TOGARAM2: variants seen among roughly 807,000 people sequenced by gnomAD.
TOGARAM2 encodes TOG array regulator of axonemal microtubules protein 2.
Under a neutral mutation model 93.3 loss-of-function variants are expected in TOGARAM2, and 85 were observed. The observed-to-expected ratio is 0.91, with a 90% CI of 0.76 to 1.09. The LOEUF is 1.09. Ranked by LOEUF, TOGARAM2 falls within the 50% of genes least tolerant of loss-of-function variation. TOGARAM2 has a pLI of 0.00. For missense variants in TOGARAM2, 1,277 were observed against 1,334.5 expected, an observed-to-expected ratio of 0.96 and a Z score of 0.67; for synonymous variants, 593 against 552.8, an observed-to-expected ratio of 1.07 and a Z score of -1.02.
At chr2:29,009,841 C>T (rs894149015) in intron 6 of TOGARAM2, among the ~76,000 whole-genome samples, 8 of 151,322 alleles carry the variant, frequency 5.3e-5, no homozygotes, top group Admixed American at 1.3e-4. Flanking sequence ...CTGTGAGGTT[C>T]GCACAGGGTG....
intron 11 of TOGARAM2, 70 bp downstream of exon 11, chr2:29,022,378 C>T (rs957590399): frequency 7.1e-6 from 11 of 1,554,596 alleles, no homozygotes; most frequent in African/African-American, 4.1e-5. Context: ...TAGCTTCTGC[C>T]CCTCAACTTC....
intron 18 of TOGARAM2, among the ~76,000 whole-genome samples, chr2:29,043,519 G>A (rs1231428003): frequency 6.6e-6 from 1 of 151,268 alleles, no homozygotes; most frequent in Non-Finnish European, 1.5e-5. Flanking sequence ...GAGAAGTCTG[G>A]CCTGGAGAAG....
chr2:29,006,390 G>A (rs201399450), intron 6 of TOGARAM2, among the ~76,000 whole-genome samples: 2 of 146,220 alleles, frequency 1.4e-5, no homozygotes, highest in Admixed American at 6.8e-5. Flanking sequence ...GTGTGAGTGC[G>A]TGTGTGTGAG....
Position 29,035,647 on chromosome 2 carries a change from C to G in TOGARAM2, c.2409C>G (p.His803Gln), listed in dbSNP as rs772974706. The change falls in exon 17 of 20, where the codon CAC becomes CAG. Residue 803 changes from histidine (H) to glutamine (Q), a missense_variant. Physicochemically the swap from His to Gln is conservative, Grantham distance 24 (BLOSUM62 0). Coordinates refer to ENST00000379558, the MANE Select transcript of TOGARAM2 (RefSeq NM_199280.4). Reference protein sequence around the residue: ...CKAKTELVTAHLVQVFDAFTP... With the variant: ...CKAKTELVTAQLVQVFDAFTP... ...CCAAGACGGAGCTTGTCACTGCCCA[C>G]CTGGTCCAGGTGAGCACCGCTTGCT... 1.5e-5 allele frequency: 22 copies of G among 1,500,756 alleles called. No individual in the cohort carries two copies. In the East Asian group the frequency reaches 5.2e-4, roughly 36 times the overall value. 93.0% of individuals were successfully genotyped at this position (1,500,756 alleles called of 1,614,324 possible). A position where few individuals can be genotyped will look rare whatever the true frequency, so the allele number is the denominator to read the frequency against.
At chr2:29,029,873 C>A (rs1487385075) in intron 14 of TOGARAM2, among the ~76,000 whole-genome samples, 1 of 152,040 alleles carries the variant, frequency 6.6e-6, no homozygotes, top group Non-Finnish European at 1.5e-5. Flanking sequence ...GTGATGGGTG[C>A]ACCAAAATCT....
At chr2:28,986,365 C>T (rs1672470648) in intron 1 of TOGARAM2, among the ~76,000 whole-genome samples, 1 of 152,162 alleles carries the variant, frequency 6.6e-6, no homozygotes, top group Non-Finnish European at 1.5e-5. Context: ...CATCCACCCC[C>T]AACCCGAGAT....
In TOGARAM2 at chr2:29,018,959, A is replaced by T. The variant is rs185919387; in HGVS notation, c.1360+1003A>T. ...TAACATTGTTTTACTTTCATTGTAA[A>T]TATTTATCATATTCTATGACAAACA... On this transcript the variant is annotated intron_variant, in intron 10 of 19. Coordinates refer to ENST00000379558, the MANE Select transcript of TOGARAM2 (RefSeq NM_199280.4). Among the ~76,000 whole-genome samples, 240 of 152,276 alleles carry T rather than the reference A, an allele frequency of 1.6e-3. No individual in the cohort carries two copies. The Middle Eastern group carries it at 0.024, about 15-fold the overall frequency.
Position 29,024,204 on chromosome 2 carries a change from C to A in TOGARAM2, c.1683C>A (p.Ala561=). 1 of 1,606,558 alleles carries A rather than the reference C, an allele frequency of 6.2e-7. No individual in the cohort carries two copies. The highest frequency in any genetic ancestry group is 2.2e-5 in the East Asian group (1 of 44,604). ...GCACCTTGGGAGACCTCTTCCAGGC[C>A]TTGAAGAAGAATATGGACCAGGAGG... ...AISTLGDLFQ[A]LKKNMDQEAE... is the part of the protein sequence containing the mutation. The change falls in exon 13 of 20, where the codon GCC becomes GCA. Residue 561 remains alanine, a synonymous_variant. Transcript: ENST00000379558.
At chr2:29,048,696 T>C (rs1431622935) in intron 19 of TOGARAM2, 1 of 133,202 alleles carries the variant, frequency 7.5e-6, no homozygotes, top group Non-Finnish European at 1.6e-5. Flanking sequence ...TTTTTTTTTT[T>C]CAGAGAGATT....
chr2:28,972,611 A>C (rs1207233185), intron 1 of TOGARAM2: 1 of 152,118 alleles, frequency 6.6e-6, no homozygotes, highest in Middle Eastern at 3.1e-3. Flanking sequence ...CACAGTCTTC[A>C]TTTGTTCCAC....
chr2:29,033,422 T>C (rs1486289322), intron 15 of TOGARAM2, 47 bp from the exon 16 acceptor site: 1 of 1,543,178 alleles, frequency 6.5e-7, no homozygotes, highest in South Asian at 1.2e-5. Flanking sequence ...GGCATTTCCC[T>C]GGAGGGCCAC....
At position 29,035,518 on chromosome 2, in the gene TOGARAM2, CG is replaced by C; in HGVS notation, c.2284del (p.Glu762ArgfsTer9). 1 of 1,557,000 alleles carries C rather than the reference CG, an allele frequency of 6.4e-7. No individual in the cohort carries two copies. Among genetic ancestry groups the C allele is most frequent in the Non-Finnish European group, 8.7e-7 (1 of 1,151,204 alleles). ...GGCTGCGCTCCACACTGCAGGGCCGCGGGGAGATGGTGGAGCAGCTACGGGA... is the reference window on the plus strand; with the variant it reads ...GGCTGCGCTCCACACTGCAGGGCCGCGGGAGATGGTGGAGCAGCTACGGGA... ...VGLRSTLQGR[G>X]EMVEQLRELT... On this transcript the variant is annotated frameshift_variant, in exon 17 of 20. Transcript: ENST00000379558. LOFTEE classifies it high-confidence loss of function.
At chr2:29,022,431 A>G (rs1665016099) in intron 11 of TOGARAM2, 123 bp downstream of exon 11, 6 of 1,384,062 alleles carry the variant, frequency 4.3e-6, no homozygotes, top group Non-Finnish European at 5.9e-6. Flanking sequence ...GGAGCATAAA[A>G]GCCAGTTTGG....
intron 19 of TOGARAM2, chr2:29,047,897 AG>A (rs1666838302): frequency 7.2e-6 from 1 of 138,196 alleles, no homozygotes; most frequent in South Asian, 2.5e-4. Flanking sequence ...GTTGGGGGGC[AG>A]GTAGAGCCCC....
intron 1 of TOGARAM2, among the ~76,000 whole-genome samples, chr2:28,985,262 C>G (rs1672413690): frequency 6.6e-6 from 1 of 152,122 alleles, no homozygotes; most frequent in Admixed American, 6.5e-5. Flanking sequence ...GGAAGTGAGT[C>G]CTCACCAGGA....
At position 28,998,247 on chromosome 2, in the gene TOGARAM2, G is replaced by A; in HGVS notation, c.133G>A (p.Gly45Arg). The change falls in exon 3 of 20, where the codon GGA becomes AGA. Residue 45 changes from glycine (G) to arginine (R), a missense_variant. Coordinates refer to ENST00000379558, the MANE Select transcript of TOGARAM2 (RefSeq NM_199280.4). ...AAGCATCAACTCCAGTCTGCCTCAT[G>A]GAGAAGGTGAGATGGGAAGACCTCA... ...PGSINSSLPHGEGSLQPEPRA... is the reference protein window; with the variant it reads ...PGSINSSLPHREGSLQPEPRA... The A allele has an allele frequency of 6.2e-7, 1 of 1,610,386 alleles. No individual in the cohort carries two copies. Among genetic ancestry groups the A allele is most frequent in the East Asian group, 2.2e-5 (1 of 44,716 alleles).
chr2:29,018,201 T>G, intron 10 of TOGARAM2: 1 of 504,270 alleles, frequency 2.0e-6, no homozygotes, highest in Non-Finnish European at 3.5e-6. Flanking sequence ...CCTCAGCCTG[T>G]GTGACATGTC....
At chr2:28,978,658 G>A (rs1057071413), upstream of TOGARAM2, among the ~76,000 whole-genome samples, 1 of 152,152 alleles carries the variant, frequency 6.6e-6, no homozygotes, top group Non-Finnish European at 1.5e-5. Context: ...GGATGTGGAG[G>A]GGGCTACTTA....
chr2:29,029,860 C>G (rs554066599), intron 14 of TOGARAM2, among the ~76,000 whole-genome samples: 3 of 151,834 alleles, frequency 2.0e-5, no homozygotes, highest in Non-Finnish European at 4.4e-5. Flanking sequence ...GTATACTGCT[C>G]GGGTGATGGG....
Sources: gnomAD v4.1 joint callset for allele counts (sites outside exome capture counted in the v4.1 genomes callset) on GRCh38, gnomAD v4.1.1 for gene constraint, MANE v1.5 for transcripts, NCBI Gene and HGNC (gene_info 2026-07-23, HGNC 2026-07-21) for gene names.